Variants in PABIR3 observed in about 807,000 individuals in gnomAD.
PABIR3 encodes the protein PABIR family member 1.
A neutral mutation model predicts 23.1 loss-of-function variants in PABIR3; 20 were observed. The ratio of observed to expected loss-of-function variants is 0.86; its 90% CI spans 0.61 to 1.26. The LOEUF is 1.26. Among genes scored for constraint, PABIR3 ranks in the 50% most tolerant of loss-of-function variants. The probability of loss-of-function intolerance (pLI) is 0.00; values close to 1 mark genes in which losing one functional copy is unlikely to be tolerated. For missense variants in PABIR3, 189 were observed against 195.4 expected (o/e 0.97, Z 0.20); for synonymous variants, 69 against 68.5 (o/e 1.01, Z -0.04).
chrX:134,837,358 A>G lies in PABIR3; in HGVS notation c.247-7847A>G, dbSNP rs186410615. On this transcript the variant is annotated intron_variant, in intron 4 of 10. Transcript: ENST00000645433. ...AAGTAAGACTCCTTCTCCAAAAAAAAAAAATTTAAATTTGATTTTAGTTTA... is the reference window on the plus strand; with the variant it reads ...AAGTAAGACTCCTTCTCCAAAAAAAGAAAATTTAAATTTGATTTTAGTTTA... 5.4e-5 allele frequency among the ~76,000 whole-genome samples: 6 copies of G among 111,532 alleles called. No homozygotes were observed. In the East Asian group the frequency reaches 1.7e-3, roughly 31 times the overall value.
Position 134,814,802 on chromosome X carries a change from T to C in PABIR3, c.142T>C (p.Leu48=), listed in dbSNP as rs1305514903. 1 of 1,200,667 alleles carries C rather than the reference T, an allele frequency of 8.3e-7. No homozygotes were observed. Among genetic ancestry groups the C allele is most frequent in the African/African-American group, 1.8e-5 (1 of 56,806 alleles). Residue 48 remains leucine (L), a synonymous_variant, in exon 3 of 11, where the codon TTA becomes CTA. Transcript: ENST00000645433. ...TTCACAGGTGTTGCAAGCTGACATG[T>C]TAAGAATTAGGACAAACAGAACAAC... ...FNSQVLQADM[L]RIRTNRTTFR... is the part of the protein sequence containing the mutation.
At chrX:134,822,910 G>C (rs2081353547) in intron 3 of PABIR3, 1 of 112,031 alleles carries the variant, frequency 8.9e-6, no homozygotes, top group Non-Finnish European at 1.9e-5. Flanking sequence ...GGCCAAGGTG[G>C]GCAGATCACC....
Position 134,832,394 on chromosome X carries a change from C to CTT in PABIR3, c.246+3138_246+3139dup, listed in dbSNP as rs1162024470. 4.2e-3 allele frequency among the ~76,000 whole-genome samples: 323 copies of CTT among 77,021 alleles called. 47 individuals are homozygous for CTT. Among genetic ancestry groups the CTT allele is most frequent in the Middle Eastern group, 6.9e-3 (1 of 144 alleles). 66.9% of individuals were successfully genotyped at this position (77,021 alleles called of 115,157 possible). On this transcript the variant is annotated intron_variant, in intron 4 of 10. Transcript: ENST00000645433. ...CATGTTGCTACAAACGACTGGATCC[C>CTT]TTTTTTTTTTTTTTTTTTTTTTTTT...
At chrX:134,812,738 A>G (rs1451134625) in intron 2 of PABIR3, among the ~76,000 whole-genome samples, 3 of 111,405 alleles carry the variant, frequency 2.7e-5, no homozygotes, top group African/African-American at 6.5e-5. Context: ...TCATGGATTG[A>G]TAGGATACAC....
intron 3 of PABIR3, among the ~76,000 whole-genome samples, chrX:134,825,828 CTTT>C (rs61066719): frequency 2.7e-5 from 2 of 73,828 alleles, no homozygotes; most frequent in Non-Finnish European, 2.5e-5. Flanking sequence ...ACGCCCGGAT[CTTT>C]TTTTTTTTTT....
At chrX:134,820,196 A>G (rs2081195546) in intron 3 of PABIR3, among the ~76,000 whole-genome samples, 1 of 111,832 alleles carries the variant, frequency 8.9e-6, no homozygotes, top group South Asian at 3.7e-4. Context: ...TCTTTAGTAG[A>G]TATCTCTGGA....
Position 134,799,532 on chromosome X carries a change from C to T in PABIR3, c.-98+2668C>T, listed in dbSNP as rs181417350. On this transcript the variant is annotated intron_variant, in intron 1 of 4. Coordinates refer to the PABIR3 transcript ENST00000414371. The stretch of plus-strand genomic sequence containing the variant: ...AATTCCTTTCATAACTTCTCCTTTG[C>T]GAACCTTCTCACTACTTGCACAGAC... Among the ~76,000 whole-genome samples the T allele has an allele frequency of 1.6e-3, 178 of 112,527 alleles. 1 individual carries two copies. Among genetic ancestry groups the T allele is most frequent in the Middle Eastern group, 9.2e-3 (2 of 217 alleles).
In PABIR3 at chrX:134,827,350, T is replaced by C. The variant is rs1220053264; in HGVS notation, c.190-1876T>C. Among the ~76,000 whole-genome samples the C allele has an allele frequency of 3.6e-5, 4 of 111,285 alleles. No individual in the cohort carries two copies. The East Asian group carries it at 1.1e-3, about 32-fold the overall frequency. The stretch of plus-strand genomic sequence containing the variant: ...GCCTTTCATGGCCACACTCCATCTA[T>C]TGGTTTCTACTGGGAACCTTAGCAA... On this transcript the variant is annotated intron_variant, in intron 3 of 10. Coordinates refer to ENST00000645433, the MANE Select transcript of PABIR3 (RefSeq NM_001388447.1).
chrX:134,847,687 T>G (rs966319093), intron 7 of PABIR3, among the ~76,000 whole-genome samples, 196 bp from the exon 8 acceptor site: 1 of 111,849 alleles, frequency 8.9e-6, no homozygotes, highest in Admixed American at 9.6e-5. Flanking sequence ...TTAGATTAAT[T>G]TTGGTAATTG....
At chrX:134,830,924 A>C (rs1361802971) in intron 4 of PABIR3, among the ~76,000 whole-genome samples, 1 of 111,811 alleles carries the variant, frequency 8.9e-6, no homozygotes, top group Non-Finnish European at 1.9e-5. Context: ...AATATTTAAA[A>C]ATGAAATATA....
chrX:134,847,520 G>C, intron 7 of PABIR3, 45 bp downstream of exon 7: 1 of 966,784 alleles, frequency 1.0e-6, no homozygotes, highest in Non-Finnish European at 1.5e-6. Flanking sequence ...GAAATAGTTA[G>C]GAAATATTTA....
At chrX:134,808,494 A>C (rs181672039) in intron 2 of PABIR3, among the ~76,000 whole-genome samples, 1,604 of 109,308 alleles carry the variant, frequency 0.015, 29 homozygotes, top group African/African-American at 0.051. Flanking sequence ...CATTCTCCTG[A>C]CTCAGCCTCC....
At chrX:134,830,745 G>C (rs2081745141) in intron 4 of PABIR3, among the ~76,000 whole-genome samples, 1 of 111,308 alleles carries the variant, frequency 9.0e-6, no homozygotes, top group South Asian at 3.7e-4. Flanking sequence ...GTGACCTCGT[G>C]TTTATCTGTG....
At chrX:134,811,892 C>T (rs1326831100) in intron 2 of PABIR3, among the ~76,000 whole-genome samples, 9 of 112,486 alleles carry the variant, frequency 8.0e-5, no homozygotes, top group Non-Finnish European at 1.3e-4. Context: ...GGAGTTGCAA[C>T]AGATACTGTA....
intron 3 of PABIR3, among the ~76,000 whole-genome samples, chrX:134,828,010 G>GCTCTCTCTCT (rs1167724649): frequency 7.0e-4 from 43 of 61,289 alleles, no homozygotes; most frequent in African/African-American, 9.4e-4. Flanking sequence ...CTAGCTCAGT[G>GCTCTCTCTCT]CTCTCTCTCT....
rs1013432088 is a variant in PABIR3 at position 134,854,175 on chromosome X, C to T, written c.771C>T (p.Asn257=). The T allele has an allele frequency of 3.3e-6, 4 of 1,208,900 alleles. No homozygotes were observed. In the African/African-American group the frequency reaches 5.3e-5, roughly 16 times the overall value. Reference sequence around the variant, plus strand: ...CAGCTGAAATCGGCACTGTCACAAACTCTCCTGTGTCACCTTCTGATACTG... The same window carrying T: ...CAGCTGAAATCGGCACTGTCACAAATTCTCCTGTGTCACCTTCTGATACTG... ...NSSAEIGTVT[N]SPVSPSDTGS... The change falls in exon 11 of 11, where the codon AAC becomes AAT. Residue 257 remains asparagine (N), a synonymous_variant. Transcript: ENST00000645433.
At chrX:134,836,027 G>A (rs2081961113) in intron 4 of PABIR3, among the ~76,000 whole-genome samples, 1 of 111,480 alleles carries the variant, frequency 9.0e-6, no homozygotes, top group South Asian at 3.7e-4. Context: ...TAGTAGAGAC[G>A]GGGTTTCACC....
At chrX:134,806,207 T>C (rs2080223085), upstream of PABIR3, among the ~76,000 whole-genome samples, 1 of 112,642 alleles carries the variant, frequency 8.9e-6, no homozygotes, top group Non-Finnish European at 1.9e-5. Context: ...TACTAAATTC[T>C]GAGATATTTG....
intron 3 of PABIR3, among the ~76,000 whole-genome samples, chrX:134,827,332 A>C (rs906574061): frequency 2.7e-5 from 3 of 110,981 alleles, no homozygotes; most frequent in Non-Finnish European, 5.7e-5. Context: ...ACTGCCTTTC[A>C]TGGCCACACT....
Sources: allele counts gnomAD v4.1 joint callset (sites outside exome capture counted in the v4.1 genomes callset), GRCh38; gene constraint gnomAD v4.1.1; transcripts MANE v1.5; gene names NCBI Gene and HGNC (gene_info 2026-07-23, HGNC 2026-07-21).